Variants in ENTREP2 observed in about 807,000 individuals in gnomAD.
ENTREP2 encodes endosomal transmembrane epsin interactor 2, also known as protein ENTREP2.
the ENTREP2 span, among the ~76,000 whole-genome samples, chr15:29,408,736 C>T: frequency 2.0e-5 from 3 of 152,048 alleles, no homozygotes; most frequent in African/African-American, 7.2e-5. Context: ...ATCTTTCAAG[C>T]CTTTGATGAT....
At chr15:29,244,025 T>A in the ENTREP2 span, among the ~76,000 whole-genome samples, 1 of 152,236 alleles carries the variant, frequency 6.6e-6, no homozygotes, top group African/African-American at 2.4e-5. Context: ...CATTTCTGAA[T>A]GTTGATGCAA....
At chr15:29,196,037 C>T in the ENTREP2 span, among the ~76,000 whole-genome samples, 58,375 of 151,928 alleles carry the variant, frequency 0.38, 11,434 homozygotes, top group East Asian at 0.54. Context: ...CCAGGGGAGA[C>T]TGTCTGATTT....
At chr15:29,478,445 G>A in the ENTREP2 span, among the ~76,000 whole-genome samples, 3 of 152,098 alleles carry the variant, frequency 2.0e-5, no homozygotes, top group Non-Finnish European at 4.4e-5. Flanking sequence ...TTTAAAGTGC[G>A]TGTGTGATGT....
At chr15:29,606,102 A>C in the ENTREP2 span, among the ~76,000 whole-genome samples, 1 of 151,962 alleles carries the variant, frequency 6.6e-6, no homozygotes, top group Non-Finnish European at 1.5e-5. Flanking sequence ...TATTCTAAAA[A>C]ATGTGTGCTA....
chr15:29,168,897 G>A, the ENTREP2 span, among the ~76,000 whole-genome samples: 1 of 152,104 alleles, frequency 6.6e-6, no homozygotes, highest in Non-Finnish European at 1.5e-5. Context: ...TTGAAAACCT[G>A]GCTTTTGTCA....
chr15:29,514,992 A>G, the ENTREP2 span, among the ~76,000 whole-genome samples: 2 of 152,204 alleles, frequency 1.3e-5, no homozygotes, highest in Non-Finnish European at 2.9e-5. Flanking sequence ...CCTAGGAAAG[A>G]ACGGCCCCTT....
At chr15:29,201,117 C>G in the ENTREP2 span, among the ~76,000 whole-genome samples, 13 of 152,116 alleles carry the variant, frequency 8.5e-5, no homozygotes, top group Non-Finnish European at 1.3e-4. Context: ...TATCCTACAA[C>G]TTTGCTGAAC....
chr15:29,450,321 G>C, the ENTREP2 span, among the ~76,000 whole-genome samples: 1 of 152,100 alleles, frequency 6.6e-6, no homozygotes, highest in Non-Finnish European at 1.5e-5. Context: ...GTCCAAAATG[G>C]TATTTCCTGG....
the ENTREP2 span, among the ~76,000 whole-genome samples, chr15:29,167,289 C>A: frequency 2.0e-5 from 3 of 151,980 alleles, no homozygotes; most frequent in African/African-American, 7.2e-5. Context: ...AACCCAAAAG[C>A]AAATACAATA....
chr15:29,383,343 CT>C, the ENTREP2 span, among the ~76,000 whole-genome samples: 1 of 152,208 alleles, frequency 6.6e-6, no homozygotes, highest in Admixed American at 6.5e-5. Context: ...ACAAGAGTAC[CT>C]CTTCTTCCCC....
chr15:29,549,654 T>A, the ENTREP2 span, among the ~76,000 whole-genome samples: 2 of 152,198 alleles, frequency 1.3e-5, no homozygotes, highest in African/African-American at 4.8e-5. Context: ...AGGAGCTCAA[T>A]ATCACCTAGT....
At chr15:29,664,107 T>G in the ENTREP2 span, among the ~76,000 whole-genome samples, 1 of 152,338 alleles carries the variant, frequency 6.6e-6, no homozygotes, top group East Asian at 1.9e-4. Flanking sequence ...TATTACAATC[T>G]GATGCATTCT....
the ENTREP2 span, among the ~76,000 whole-genome samples, chr15:29,600,967 T>G: frequency 2.2e-5 from 3 of 137,710 alleles, no homozygotes; most frequent in Admixed American, 7.5e-5. Context: ...GCGCGATCTC[T>G]GCTCACTGCA....
chr15:29,437,675 A>G, the ENTREP2 span, among the ~76,000 whole-genome samples: 13,712 of 152,270 alleles, frequency 0.09, 907 homozygotes, highest in East Asian at 0.31. Flanking sequence ...TAGTGCCTGT[A>G]GGTTGGATAA....
the ENTREP2 span, among the ~76,000 whole-genome samples, chr15:29,417,250 A>G: frequency 1.3e-5 from 2 of 152,196 alleles, no homozygotes; most frequent in African/African-American, 2.4e-5. Context: ...CAACCCAAAT[A>G]TCCAACAATG....
chr15:29,370,976 T>C, the ENTREP2 span, among the ~76,000 whole-genome samples: 2 of 152,180 alleles, frequency 1.3e-5, no homozygotes, highest in African/African-American at 4.8e-5. Context: ...TTCATGTCGC[T>C]AGTTTTCAGC....
At chr15:29,619,196 T>C in the ENTREP2 span, among the ~76,000 whole-genome samples, 3 of 152,104 alleles carry the variant, frequency 2.0e-5, no homozygotes, top group Admixed American at 2.0e-4. Flanking sequence ...ATCAAGACCA[T>C]CCTGGCTAAC....
chr15:29,185,079 CAA>C, the ENTREP2 span, among the ~76,000 whole-genome samples: 885 of 107,982 alleles, frequency 8.2e-3, 11 homozygotes, highest in African/African-American at 0.028. Flanking sequence ...GACTCTGTCT[CAA>C]AAAAAAAAAA....
At chr15:29,392,253 T>C in the ENTREP2 span, among the ~76,000 whole-genome samples, 1 of 152,160 alleles carries the variant, frequency 6.6e-6, no homozygotes, top group African/African-American at 2.4e-5. Context: ...TGAGCCACTG[T>C]GCCCGGCCTG....
Sources: gnomAD v4.1 joint callset for allele counts (sites outside exome capture counted in the v4.1 genomes callset) on GRCh38, gnomAD v4.1.1 for gene constraint, MANE v1.5 for transcripts, NCBI Gene and HGNC (gene_info 2026-07-23, HGNC 2026-07-21) for gene names.